Variants in BRIP1 observed in about 807,000 individuals in gnomAD.
BRIP1 encodes BRCA1 interacting DNA helicase 1, also known as Fanconi anemia group J protein.
A neutral mutation model predicts 119.7 loss-of-function variants in BRIP1; 88 were observed. The ratio of observed to expected loss-of-function variants is 0.74; its 90% CI spans 0.62 to 0.88. The LOEUF is 0.88. Among genes scored for constraint, BRIP1 ranks in the 40% least tolerant of loss-of-function variants. The probability of loss-of-function intolerance (pLI) is 0.00; values close to 1 mark genes in which losing one functional copy is unlikely to be tolerated. For missense variants in BRIP1, 1,259 were observed against 1,455.4 expected (o/e 0.87, Z 2.20); for synonymous variants, 443 against 496.5 (o/e 0.89, Z 1.43).
chr17:61,845,250 CAAATT>C lies in BRIP1; in HGVS notation c.627+1846_627+1850del, dbSNP rs1437241504. Among the ~76,000 whole-genome samples, 1 of 152,118 alleles carries C rather than the reference CAAATT, an allele frequency of 6.6e-6. No homozygotes were observed. The highest frequency in any genetic ancestry group is 2.4e-5 in the African/African-American group (1 of 41,430). On this transcript the variant is annotated intron_variant, in intron 6 of 19. Transcript: ENST00000259008. The surrounding 1 kb of genome is among the most constrained non-coding windows in gnomAD (Gnocchi z 4.2). ...TTCAGTGAAGATCACCAACAAAACACAAATTAAATGTACAGTAACTGAAAACAAAT... is the reference window on the plus strand; with the variant it reads ...TTCAGTGAAGATCACCAACAAAACACAAATGTACAGTAACTGAAAACAAAT...
rs939259283 is a variant in BRIP1 at position 61,758,126 on chromosome 17, G to A, written c.2098-13535C>T. Among the ~76,000 whole-genome samples, 3 of 152,148 alleles carry A rather than the reference G, an allele frequency of 2.0e-5. No individual in the cohort carries two copies. The highest frequency in any genetic ancestry group is 4.4e-5 in the Non-Finnish European group (3 of 68,018). ...TTTCATCAACAGTTAATTCATCAAT[G>A]TCTAAAGTAATCATTTAGTTAAAAT... On this transcript the variant is annotated intron_variant, in intron 14 of 19. Transcript: ENST00000259008. The surrounding 1 kb of genome is among the most constrained non-coding windows in gnomAD (Gnocchi z 5.3).
intron 6 of BRIP1, among the ~76,000 whole-genome samples, chr17:61,839,621 G>A (rs1056777198): frequency 6.6e-6 from 1 of 152,100 alleles, no homozygotes; most frequent in Non-Finnish European, 1.5e-5. Flanking sequence ...TGTCACACTA[G>A]TGAAATGTTA....
In BRIP1 at chr17:61,774,271, T is replaced by G. The variant is rs1218594832; in HGVS notation, c.2097+2130A>C. Among the ~76,000 whole-genome samples, 1 of 152,192 alleles carries G rather than the reference T, an allele frequency of 6.6e-6. No homozygotes were observed. The highest frequency in any genetic ancestry group is 2.4e-5 in the African/African-American group (1 of 41,450). On this transcript the variant is annotated intron_variant, in intron 14 of 19. Transcript: ENST00000259008. The surrounding 1 kb of genome is among the most constrained non-coding windows in gnomAD (Gnocchi z 5.8). ...TATGCAGCCATAAAAAAGGATGAGT[T>G]CATGTCCTTTGCAGGGACATGGATG...
Position 61,746,796 on chromosome 17 carries a change from T to C in BRIP1, c.2098-2205A>G, listed in dbSNP as rs528664561. 6.6e-6 allele frequency among the ~76,000 whole-genome samples: 1 copy of C among 151,894 alleles called. No homozygotes were observed. Among genetic ancestry groups the C allele is most frequent in the East Asian group, 1.9e-4 (1 of 5,158 alleles). ...ATGAATAAAACATCCAAACAGAAGA[T>C]CAACAAGGAAACGGAACTTGAACAA... On this transcript the variant is annotated intron_variant, in intron 14 of 19. Transcript: ENST00000259008. This position sits in a 1 kb window ranked among gnomAD's most constrained non-coding sequence, Gnocchi z 4.9.
In BRIP1 at chr17:61,836,537, A is replaced by G. The variant is rs181830345; in HGVS notation, c.627+10564T>C. Reference sequence around the variant, plus strand: ...AGAAACAGTGGTGAATCATACATCTACTTAACTATGGCCATTTTTTTCATT... The same window carrying G: ...AGAAACAGTGGTGAATCATACATCTGCTTAACTATGGCCATTTTTTTCATT... On this transcript the variant is annotated intron_variant, in intron 6 of 19. Transcript: ENST00000259008. Among the ~76,000 whole-genome samples the G allele has an allele frequency of 8.5e-5, 13 of 152,286 alleles. No individual in the cohort carries two copies. The East Asian group carries it at 2.5e-3, about 29-fold the overall frequency.
rs7226248 is a variant in BRIP1, at chr17:61,861,640, G to A, written c.-30-71C>T. On this transcript the variant is annotated intron_variant, in intron 1 of 19. Coordinates refer to ENST00000259008, the MANE Select transcript of BRIP1 (RefSeq NM_032043.3). The surrounding 1 kb of genome is among the most constrained non-coding windows in gnomAD (Gnocchi z 4.5). ...AGAAAACCAGAGAACCAAAACTAAGGGAGAAATCTGGAAACAGAAACTGGA... is the reference window on the plus strand; with the variant it reads ...AGAAAACCAGAGAACCAAAACTAAGAGAGAAATCTGGAAACAGAAACTGGA... 16,744 of 801,888 alleles carry A rather than the reference G, an allele frequency of 0.021. 1,822 individuals carry two copies. The African/African-American group carries it at 0.24, about 12-fold the overall frequency. The allele number at this position is 801,888 out of a possible 1,614,324, so 49.7% of individuals were successfully genotyped here. A position where few individuals can be genotyped will look rare whatever the true frequency, so the allele number is the denominator to read the frequency against.
intron 14 of BRIP1, among the ~76,000 whole-genome samples, chr17:61,772,157 TTATATATATATATATATA>T (rs71150699): frequency 0.038 from 2,945 of 76,834 alleles, 211 homozygotes; most frequent in African/African-American, 0.14. Context: ...AAATGTGAGA[TTATATATATATATATATA>T]TATATATATA....
chr17:61,728,927 T>A (rs1472423991), intron 16 of BRIP1, among the ~76,000 whole-genome samples: 1 of 152,106 alleles, frequency 6.6e-6, no homozygotes, highest in Non-Finnish European at 1.5e-5. Context: ...GACACATTTA[T>A]TTAGATAAAG....
At chr17:61,781,145 C>G in intron 11 of BRIP1, 140 bp from the exon 12 acceptor site, 1 of 734,316 alleles carries the variant, frequency 1.4e-6, no homozygotes, top group Non-Finnish European at 2.2e-6. Flanking sequence ...ATTCTCCTTA[C>G]CATTAATTAA....
At chr17:61,702,826 A>G (rs2061634441) in intron 17 of BRIP1, among the ~76,000 whole-genome samples, 1 of 147,898 alleles carries the variant, frequency 6.8e-6, no homozygotes, top group African/African-American at 2.5e-5. Flanking sequence ...TACACCCAAT[A>G]ATGGAATTGT....
chr17:61,812,452 A>G (rs565499511), intron 6 of BRIP1, among the ~76,000 whole-genome samples: 1 of 152,264 alleles, frequency 6.6e-6, no homozygotes, highest in Non-Finnish European at 1.5e-5. Context: ...CAAAATCTGT[A>G]AACTCTAAGA....
chr17:61,840,594 T>C (rs1195957139), intron 6 of BRIP1, among the ~76,000 whole-genome samples: 2 of 152,180 alleles, frequency 1.3e-5, no homozygotes, highest in Admixed American at 6.5e-5. Flanking sequence ...TTAGGCAACA[T>C]AGCGAAACCT....
At position 61,734,519 on chromosome 17, in the gene BRIP1, T is replaced by C. The variant is rs1020148337; in HGVS notation, c.2379+8494A>G. On this transcript the variant is annotated intron_variant, in intron 16 of 19. Transcript: ENST00000259008. This position sits in a 1 kb window ranked among gnomAD's most constrained non-coding sequence, Gnocchi z 5.2. ...TGCTTACCTTCAGAGTAGCCCATTA[T>C]CAACATTTCATAGTGGGTTTCTTTA... 6.6e-6 allele frequency among the ~76,000 whole-genome samples: 1 copy of C among 152,228 alleles called. No homozygotes were observed. Among genetic ancestry groups the C allele is most frequent in the African/African-American group, 2.4e-5 (1 of 41,460 alleles).
chr17:61,835,995 T>C (rs1023615983), intron 6 of BRIP1, among the ~76,000 whole-genome samples: 2 of 152,184 alleles, frequency 1.3e-5, no homozygotes, highest in Non-Finnish European at 2.9e-5. Flanking sequence ...GTTCATGGTG[T>C]TTCCTTCTGG....
chr17:61,707,503 T>C (rs2061708268), intron 17 of BRIP1, among the ~76,000 whole-genome samples: 1 of 152,162 alleles, frequency 6.6e-6, no homozygotes, highest in Non-Finnish European at 1.5e-5. Flanking sequence ...TCTGTTCTCA[T>C]GATCTGAGCC....
chr17:61,849,316 G>A (rs2078783724), intron 4 of BRIP1, 60 bp from the exon 5 acceptor site: 3 of 1,431,900 alleles, frequency 2.1e-6, no homozygotes, highest in East Asian at 4.6e-5. Flanking sequence ...AATTTTTCTA[G>A]AAGAAAACTG....
rs45617634 is a variant in BRIP1 at position 61,857,067 on chromosome 17, T to G, written c.370A>C (p.Thr124Pro). The G allele has an allele frequency of 2.5e-6, 4 of 1,613,928 alleles. No individual in the cohort carries two copies. In the African/African-American group the frequency reaches 4.0e-5, roughly 16 times the overall value. The part of the protein sequence containing the change: ...PPSERNGTSS[T>P]CQDSPEKTTL... The stretch of plus-strand genomic sequence containing the variant: ...GCAAAATATAAATTACCTTGACAAG[T>G]TGATGAAGTGCCATTTCTTTCAGAA... The change falls in exon 4 of 20, where the codon ACT (threonine) becomes CCT (proline). Residue 124 changes from threonine to proline, a missense_variant. By Grantham distance (38) the Thr-to-Pro change is conservative. Transcript: ENST00000259008. This position sits in a 1 kb window ranked among gnomAD's most constrained non-coding sequence, Gnocchi z 5.1.
rs1234909244 is a variant in BRIP1, at chr17:61,751,577, C to T, written c.2098-6986G>A. Among the ~76,000 whole-genome samples, 1 of 152,114 alleles carries T rather than the reference C, an allele frequency of 6.6e-6. No individual in the cohort carries two copies. Among genetic ancestry groups the T allele is most frequent in the Non-Finnish European group, 1.5e-5 (1 of 68,014 alleles). ...CATAAATAAATGAACTAGTTTCTCACATATTAACCAGGATGAATCATAAAC... is the reference window on the plus strand; with the variant it reads ...CATAAATAAATGAACTAGTTTCTCATATATTAACCAGGATGAATCATAAAC... On this transcript the variant is annotated intron_variant, in intron 14 of 19. Coordinates refer to ENST00000259008, the MANE Select transcript of BRIP1 (RefSeq NM_032043.3). The surrounding 1 kb of genome is among the most constrained non-coding windows in gnomAD (Gnocchi z 6.7).
Position 61,780,370 on chromosome 17 carries a change from G to C in BRIP1, c.1826C>G (p.Thr609Ser), listed in dbSNP as rs2077597651. 6.2e-7 allele frequency: 1 copy of C among 1,610,460 alleles called. No homozygotes were observed. Among genetic ancestry groups the C allele is most frequent in the South Asian group, 1.1e-5 (1 of 90,992 alleles). ...AFSDINGKVQ[T>S]IVLTSGTLSP... ...TAATGTACCAGATGTCAAAACAATG[G>C]TCTGAACTTTGCCATTAATATCTGA... Residue 609 changes from threonine to serine, a missense_variant, in exon 13 of 20, where the codon ACC (threonine) becomes AGC (serine). This residue lies in a region of BRIP1 where 753 missense variants were observed against 891.8 expected (regional missense o/e 0.84). Coordinates refer to ENST00000259008, the MANE Select transcript of BRIP1 (RefSeq NM_032043.3). This position sits in a 1 kb window ranked among gnomAD's most constrained non-coding sequence, Gnocchi z 5.4.
Sources: allele counts gnomAD v4.1 joint callset (sites outside exome capture counted in the v4.1 genomes callset), GRCh38; gene constraint gnomAD v4.1.1; regional missense constraint gnomAD v4.1.1; non-coding constraint Gnocchi (gnomAD v3.1); transcripts MANE v1.5; gene names NCBI Gene and HGNC (gene_info 2026-07-23, HGNC 2026-07-21).